The following IL1RAPL2 variants were observed in gnomAD, a reference collection of about 807,000 sequenced individuals.
IL1RAPL2 encodes interleukin 1 receptor accessory protein like 2.
In IL1RAPL2, 3 loss-of-function variants were observed where a neutral mutation model predicts 44.1. The observed-to-expected ratio is 0.07, with a 90% confidence interval of 0.03 to 0.18. The LOEUF is 0.18. Ranked by LOEUF, IL1RAPL2 falls within the 10% of genes least tolerant of loss-of-function variation. The probability of loss-of-function intolerance (pLI) is 1.00; values close to 1 mark genes in which losing one functional copy is unlikely to be tolerated. For missense variants in IL1RAPL2, 391 were observed against 496.4 expected, an observed-to-expected ratio of 0.79 and a Z score of 2.02; for synonymous variants, 181 against 178.8, an observed-to-expected ratio of 1.01 and a Z score of -0.10.
chrX:104,845,181 C>G (rs1025264197), intron 2 of IL1RAPL2, among the ~76,000 whole-genome samples: 9 of 112,015 alleles, frequency 8.0e-5, no homozygotes, highest in African/African-American at 2.9e-4. Flanking sequence ...TCATACTTAT[C>G]ATGTGTATTA....
chrX:104,636,428 C>T (rs1268329477), intron 1 of IL1RAPL2, among the ~76,000 whole-genome samples: 1 of 112,292 alleles, frequency 8.9e-6, no homozygotes, highest in Non-Finnish European at 1.9e-5. Flanking sequence ...TTTGCAGTGC[C>T]CTGCCCCCAG....
chrX:105,101,519 G>A (rs958328416), intron 2 of IL1RAPL2, among the ~76,000 whole-genome samples: 2 of 111,761 alleles, frequency 1.8e-5, no homozygotes, highest in African/African-American at 6.5e-5. Context: ...CTATTTGCAT[G>A]TTAAGCCCTT....
At chrX:105,653,874 T>A (rs1298213742) in intron 6 of IL1RAPL2, among the ~76,000 whole-genome samples, 2 of 111,225 alleles carry the variant, frequency 1.8e-5, no homozygotes, top group African/African-American at 3.3e-5. Context: ...GGAGGCTGAG[T>A]ATCAGTCTTC....
intron 2 of IL1RAPL2, among the ~76,000 whole-genome samples, chrX:104,725,481 C>A (rs774280956): frequency 4.6e-4 from 51 of 111,910 alleles, no homozygotes; most frequent in Middle Eastern, 4.7e-3. Context: ...AACTGGTGAA[C>A]TAATTTACAC....
chrX:105,348,134 T>G (rs1321389), intron 5 of IL1RAPL2, among the ~76,000 whole-genome samples: 14,518 of 111,539 alleles, frequency 0.13, 2,312 homozygotes, highest in African/African-American at 0.45. Flanking sequence ...AAACCAGCAA[T>G]TCTTTGATAG....
intron 2 of IL1RAPL2, among the ~76,000 whole-genome samples, chrX:105,079,184 G>T (rs915623449): frequency 8.9e-6 from 1 of 111,918 alleles, no homozygotes; most frequent in African/African-American, 3.2e-5. Context: ...TGCTGGAGAG[G>T]TTGTAGAGAA....
chrX:104,861,143 A>G (rs1444916751), intron 2 of IL1RAPL2, among the ~76,000 whole-genome samples: 3 of 112,114 alleles, frequency 2.7e-5, no homozygotes, highest in African/African-American at 9.7e-5. Context: ...AGTGGTCTGT[A>G]TGCCCAGCAT....
chrX:104,932,843 G>T lies in IL1RAPL2; in HGVS notation c.83-262632G>T, dbSNP rs186010578. The stretch of plus-strand genomic sequence containing the variant: ...GCTTCTTAACATACCGATGTTAGTA[G>T]GGATTTAAAGTTTGCTGCCAGGCTT... On this transcript the variant is annotated intron_variant, in intron 2 of 10. Transcript: ENST00000372582. Among the ~76,000 whole-genome samples the T allele has an allele frequency of 8.0e-5, 9 of 112,249 alleles. No homozygotes were observed. The East Asian group carries it at 2.5e-3, about 31-fold the overall frequency.
chrX:105,626,798 A>C (rs2037456281), intron 6 of IL1RAPL2, among the ~76,000 whole-genome samples: 1 of 111,649 alleles, frequency 9.0e-6, no homozygotes, highest in South Asian at 3.7e-4. Flanking sequence ...TTTAAAATCC[A>C]TTGAGATATT....
At chrX:105,650,658 G>A (rs1272966283) in intron 6 of IL1RAPL2, among the ~76,000 whole-genome samples, 1 of 111,816 alleles carries the variant, frequency 8.9e-6, no homozygotes, top group African/African-American at 3.3e-5. Flanking sequence ...TACATTTTGG[G>A]AAAATGTTAC....
chrX:104,906,383 T>A lies in IL1RAPL2; in HGVS notation c.82+247388T>A, dbSNP rs368439782. ...AGAGAGGGCATCCCTGTCTTGTGCC[T>A]GTTTTCAAAGGGAATGCTTCCAGTT... On this transcript the variant is annotated intron_variant, in intron 2 of 10. Coordinates refer to ENST00000372582, the MANE Select transcript of IL1RAPL2 (RefSeq NM_017416.2). Among the ~76,000 whole-genome samples, 270 of 110,617 alleles carry A rather than the reference T, an allele frequency of 2.4e-3. 1 individual carries two copies. Among genetic ancestry groups the A allele is most frequent in the African/African-American group, 5.2e-3 (159 of 30,441 alleles).
At chrX:105,631,774 C>T (rs1730127371) in intron 6 of IL1RAPL2, among the ~76,000 whole-genome samples, 1 of 111,747 alleles carries the variant, frequency 8.9e-6, no homozygotes, top group Non-Finnish European at 1.9e-5. Context: ...ATCAAAAATC[C>T]TTGTCCTTTT....
At chrX:105,343,615 A>AC in intron 5 of IL1RAPL2, among the ~76,000 whole-genome samples, 1 of 111,790 alleles carries the variant, frequency 8.9e-6, no homozygotes, top group Admixed American at 9.5e-5. Context: ...GGTGGCATGT[A>AC]CCCCCATAGT....
intron 2 of IL1RAPL2, among the ~76,000 whole-genome samples, chrX:104,946,402 A>AAAAAAAT (rs1556018728): frequency 2.4e-4 from 23 of 95,671 alleles, no homozygotes; most frequent in Non-Finnish European, 4.8e-4. Flanking sequence ...AAAAAAAAAA[A>AAAAAAAT]AAAAAAACTT....
intron 5 of IL1RAPL2, among the ~76,000 whole-genome samples, chrX:105,358,248 T>C (rs1486634656): frequency 9.1e-6 from 1 of 110,268 alleles, no homozygotes; most frequent in Non-Finnish European, 1.9e-5. Flanking sequence ...AATTTCACCT[T>C]ATATGTTTTT....
intron 6 of IL1RAPL2, among the ~76,000 whole-genome samples, chrX:105,635,571 G>T (rs1181446246): frequency 9.0e-6 from 1 of 111,315 alleles, no homozygotes; most frequent in Admixed American, 9.6e-5. Flanking sequence ...TATGCTTCTG[G>T]TACTATGCTA....
At chrX:105,123,770 C>T (rs1192732041) in intron 2 of IL1RAPL2, among the ~76,000 whole-genome samples, 1 of 110,838 alleles carries the variant, frequency 9.0e-6, no homozygotes, top group East Asian at 2.8e-4. Context: ...ATTTCTCTTC[C>T]CTTAAGTAAC....
At chrX:104,886,871 G>A (rs751768867) in intron 2 of IL1RAPL2, among the ~76,000 whole-genome samples, 1 of 112,033 alleles carries the variant, frequency 8.9e-6, no homozygotes, top group South Asian at 3.8e-4. Context: ...CAGGCACTCT[G>A]GCCCTTCAGT....
At chrX:104,848,969 GTTTA>G (rs1922143291) in intron 2 of IL1RAPL2, among the ~76,000 whole-genome samples, 1 of 110,864 alleles carries the variant, frequency 9.0e-6, no homozygotes, top group African/African-American at 3.3e-5. Context: ...TATATGAAAA[GTTTA>G]TTTATAAATG....
Sources: allele counts gnomAD v4.1 joint callset (sites outside exome capture counted in the v4.1 genomes callset), GRCh38; gene constraint gnomAD v4.1.1; transcripts MANE v1.5; gene names NCBI Gene and HGNC (gene_info 2026-07-23, HGNC 2026-07-21).